PSMC2: variants seen among roughly 807,000 people sequenced by gnomAD.
PSMC2 encodes proteasome 26S subunit, ATPase 2, also known as 26S proteasome regulatory subunit 7.
In PSMC2, 7 loss-of-function variants were observed where a neutral mutation model predicts 53.3. The observed-to-expected ratio is 0.13, with a 90% CI of 0.07 to 0.25. The LOEUF (loss-of-function observed/expected upper bound fraction) is 0.25. PSMC2 is among the 10% of genes least tolerant of loss of function. PSMC2 has a pLI of 1.00. For synonymous variants in PSMC2, 169 were observed against 183.9 expected (o/e 0.92, Z 0.66); for missense variants, 241 against 544.0 (o/e 0.44, Z 5.54).
At chr7:103,362,596 A>C in intron 5 of PSMC2, 90 bp from the exon 6 acceptor site, 1 of 1,464,358 alleles carries the variant, frequency 6.8e-7, no homozygotes, top group Non-Finnish European at 9.4e-7. Context: ...TTGTTTTCTT[A>C]AAGTATGGTT....
chr7:103,366,068 C>T lies in PSMC2; in HGVS notation c.757-8C>T. ...AATTTTGAATTAATAAATCATTTTT[C>T]TCATTAGGGGGCTCGAATGGTTCGT... On this transcript the variant is annotated splice_polypyrimidine_tract_variant and splice_region_variant and intron_variant, in intron 8 of 11. Transcript: ENST00000292644. 1 of 1,590,906 alleles carries T rather than the reference C, an allele frequency of 6.3e-7. No individual in the cohort carries two copies. The highest frequency in any genetic ancestry group is 8.5e-7 in the Non-Finnish European group (1 of 1,171,902).
In PSMC2 at chr7:103,367,462, A is replaced by G. The variant is rs1424239415; in HGVS notation, c.894A>G (p.Thr298=). The G allele has an allele frequency of 1.2e-6, 2 of 1,614,126 alleles. No individual in the cohort carries two copies. The highest frequency in any genetic ancestry group is 4.5e-5 in the East Asian group (2 of 44,870). ...GAGGDNEVQR[T]MLELINQLDG... ...GAGGTGACAATGAAGTGCAGAGAAC[A>G]ATGTTGGAACTGATCAATCAGCTTG... Residue 298 remains threonine (T), a synonymous_variant, in exon 10 of 12, where the codon ACA becomes ACG. Transcript: ENST00000292644. The surrounding 1 kb of genome is among the most constrained non-coding windows in gnomAD (Gnocchi z 6.1).
chr7:103,367,825 T>C lies in PSMC2; in HGVS notation c.1144+16T>C, dbSNP rs1820793398. 1.2e-6 allele frequency: 2 copies of C among 1,611,786 alleles called. No individual in the cohort carries two copies. Among genetic ancestry groups the C allele is most frequent in the African/African-American group, 2.7e-5 (2 of 74,716 alleles). On this transcript the variant is annotated intron_variant, in intron 11 of 11. Coordinates refer to ENST00000292644, the MANE Select transcript of PSMC2 (RefSeq NM_002803.4). The surrounding 1 kb of genome is among the most constrained non-coding windows in gnomAD (Gnocchi z 6.1). Reference sequence around the variant, plus strand: ...AATAGCACTGGTAAGTAGAAAGTTCTTGCTTATATTTGCTGGTCTGTCTGC... The same window carrying C: ...AATAGCACTGGTAAGTAGAAAGTTCCTGCTTATATTTGCTGGTCTGTCTGC...
chr7:103,347,737 A>G lies in PSMC2; in HGVS notation c.26A>G (p.Gln9Arg). 6.2e-7 allele frequency: 1 copy of G among 1,613,990 alleles called. No individual in the cohort carries two copies. The highest frequency in any genetic ancestry group is 1.7e-4 in the Middle Eastern group (1 of 6,058). Residue 9 changes from glutamine (Q) to arginine (R), a missense_variant, in exon 1 of 12, where the codon CAG becomes CGG. Physicochemically the swap from Gln to Arg is conservative, Grantham distance 43. Transcript: ENST00000292644. Reference protein sequence around the residue: MPDYLGADQRKTKEDEKDD... With the variant: MPDYLGADRRKTKEDEKDD... ...ATGCCGGATTACCTCGGTGCCGATC[A>G]GCGGAAGACCAAAGAGGATGAGAAG...
intron 4 of PSMC2, among the ~76,000 whole-genome samples, chr7:103,357,827 CTT>C (rs1440223944): frequency 1.3e-5 from 2 of 152,150 alleles, no homozygotes; most frequent in Non-Finnish European, 2.9e-5. Context: ...CCCACTTTCT[CTT>C]GATTGTCTAA....
chr7:103,349,639 C>G lies in PSMC2; in HGVS notation c.70+1858C>G, dbSNP rs532864960. On this transcript the variant is annotated intron_variant, in intron 1 of 11. Transcript: ENST00000292644. Reference sequence around the variant, plus strand: ...TAATTTTTGCATTTTTAGCAGAGACCGGGTTTCACAATGTTGGCCAGGCTG... The same window carrying G: ...TAATTTTTGCATTTTTAGCAGAGACGGGGTTTCACAATGTTGGCCAGGCTG... Among the ~76,000 whole-genome samples, 5 of 151,994 alleles carry G rather than the reference C, an allele frequency of 3.3e-5. No homozygotes were observed. In the East Asian group the frequency reaches 9.7e-4, roughly 29 times the overall value.
rs1339385250 is a variant in PSMC2 at position 103,369,368 on chromosome 7, TTAAA to T, written c.*1320_*1323del. On this transcript the variant is annotated 3_prime_UTR_variant, in exon 12 of 12. Coordinates refer to ENST00000292644, the MANE Select transcript of PSMC2 (RefSeq NM_002803.4). Reference sequence around the variant, plus strand: ...AGATGTATGTTTTTGAATGTTTTGATTAAATAAATGTACACATTTAGAACACACT... The same window carrying T: ...AGATGTATGTTTTTGAATGTTTTGATTAAATGTACACATTTAGAACACACT... 1.3e-5 allele frequency: 2 copies of T among 152,224 alleles called. No homozygotes were observed. The highest frequency in any genetic ancestry group is 2.9e-5 in the Non-Finnish European group (2 of 68,034). 9.4% of individuals were successfully genotyped at this position (152,224 alleles called of 1,614,324 possible). A position where few individuals can be genotyped will look rare whatever the true frequency, so the allele number is the denominator to read the frequency against.
intron 1 of PSMC2, chr7:103,348,720 C>T (rs946913912): frequency 2.5e-6 from 4 of 1,575,398 alleles, no homozygotes; most frequent in Non-Finnish European, 2.6e-6. Flanking sequence ...ATATGTGCCG[C>T]CAGTGTTTTT....
intron 5 of PSMC2, chr7:103,362,348 G>A: frequency 7.4e-7 from 1 of 1,356,448 alleles, no homozygotes; most frequent in South Asian, 1.7e-5. Context: ...TCCATTTAAG[G>A]TAACATGGTA....
chr7:103,355,438 C>T (rs1442860158), intron 3 of PSMC2, among the ~76,000 whole-genome samples: 1 of 151,506 alleles, frequency 6.6e-6, no homozygotes, highest in Non-Finnish European at 1.5e-5. Flanking sequence ...TGATTTTGCC[C>T]CACCCTCCCA....
intron 3 of PSMC2, 140 bp downstream of exon 3, chr7:103,355,089 T>A (rs1326441479): frequency 1.5e-6 from 1 of 669,290 alleles, no homozygotes. Context: ...AGAAATTAGA[T>A]CTCATTTAAC....
In PSMC2 at chr7:103,362,096, T is replaced by C. The variant is rs1458343933; in HGVS notation, c.422+8T>C. The C allele has an allele frequency of 1.2e-6, 2 of 1,612,184 alleles. No homozygotes were observed. Among genetic ancestry groups the C allele is most frequent in the African/African-American group, 2.7e-5 (2 of 74,756 alleles). On this transcript the variant is annotated splice_region_variant and intron_variant, in intron 5 of 11. Transcript: ENST00000292644. The stretch of plus-strand genomic sequence containing the variant: ...AGAAGGGATGAGAGTGGGGTAAGAT[T>C]TCTATTTACAATAAATACTTTTCTT...
At chr7:103,347,805 C>T (rs1164358251) in intron 1 of PSMC2, 24 bp downstream of exon 1, 3 of 1,613,236 alleles carry the variant, frequency 1.9e-6, no homozygotes, top group East Asian at 4.5e-5. Flanking sequence ...GGCCGGAGCT[C>T]GGAGCTGGGG....
At chr7:103,361,209 T>C (rs975165826) in intron 4 of PSMC2, among the ~76,000 whole-genome samples, 5 of 151,118 alleles carry the variant, frequency 3.3e-5, no homozygotes, top group African/African-American at 1.2e-4. Context: ...AAAGTCCGGG[T>C]GTGGTGGCTC....
chr7:103,348,564 A>G (rs1819656599), intron 1 of PSMC2: 2 of 813,378 alleles, frequency 2.5e-6, no homozygotes, highest in Non-Finnish European at 2.2e-6. Context: ...TTATAAAACA[A>G]TGAGTACCTT....
intron 4 of PSMC2, among the ~76,000 whole-genome samples, chr7:103,358,652 TA>T (rs1820180546): frequency 6.6e-6 from 1 of 152,124 alleles, no homozygotes; most frequent in South Asian, 2.1e-4. Context: ...CTCTTATCTT[TA>T]TTCTTTCATT....
At position 103,355,726 on chromosome 7, in the gene PSMC2, C is replaced by G. The variant is rs751491617; in HGVS notation, c.223C>G (p.Pro75Ala). The G allele has an allele frequency of 6.2e-7, 1 of 1,614,076 alleles. No homozygotes were observed. Among genetic ancestry groups the G allele is most frequent in the Non-Finnish European group, 8.5e-7 (1 of 1,179,994 alleles). ...AGAATCTGACACTGGCCTGGCCCCACCAGCACTCTGGGATTTGGCTGCAGA... is the reference window on the plus strand; with the variant it reads ...AGAATCTGACACTGGCCTGGCCCCAGCAGCACTCTGGGATTTGGCTGCAGA... Reference protein sequence around the residue: ...IKESDTGLAPPALWDLAADKQ... With the variant: ...IKESDTGLAPAALWDLAADKQ... The change falls in exon 4 of 12, where the codon CCA becomes GCA. Residue 75 changes from proline to alanine, a missense_variant. By Grantham distance (27) the Pro-to-Ala change is conservative. Around this residue, in one of 6 missense-constraint regions of PSMC2, gnomAD observed 75 missense variants for 185.1 expected, o/e 0.41. Transcript: ENST00000292644.
Position 103,364,806 on chromosome 7 carries a change from C to T in PSMC2, c.756+499C>T, listed in dbSNP as rs901782856. 1.3e-4 allele frequency among the ~76,000 whole-genome samples: 19 copies of T among 151,972 alleles called. No individual in the cohort carries two copies. The South Asian group carries it at 2.5e-3, about 20-fold the overall frequency. On this transcript the variant is annotated intron_variant, in intron 8 of 11. Coordinates refer to ENST00000292644, the MANE Select transcript of PSMC2 (RefSeq NM_002803.4). Reference sequence around the variant, plus strand: ...ACTTAAAATTTTAACCAGTATGCCCCCTCCTCAAAAGGGTGACATTTTCTA... The same window carrying T: ...ACTTAAAATTTTAACCAGTATGCCCTCTCCTCAAAAGGGTGACATTTTCTA...
At chr7:103,357,841 C>T (rs1302789761) in intron 4 of PSMC2, among the ~76,000 whole-genome samples, 1 of 152,280 alleles carries the variant, frequency 6.6e-6, no homozygotes, top group South Asian at 2.1e-4. Flanking sequence ...ATTGTCTAAA[C>T]TGCTCTTCAG....
Sources: allele counts gnomAD v4.1 joint callset (sites outside exome capture counted in the v4.1 genomes callset), GRCh38; gene constraint gnomAD v4.1.1; regional missense constraint gnomAD v4.1.1; non-coding constraint Gnocchi (gnomAD v3.1); transcripts MANE v1.5; gene names NCBI Gene and HGNC (gene_info 2026-07-23, HGNC 2026-07-21).